LARS2: variants seen among roughly 807,000 people sequenced by gnomAD.
LARS2 encodes leucine--tRNA ligase, mitochondrial.
Under a neutral mutation model 116.6 loss-of-function variants are expected in LARS2, and 81 were observed. The ratio of observed to expected loss-of-function variants is 0.69; its 90% CI spans 0.58 to 0.84. LARS2 has a LOEUF of 0.84. Ranked by LOEUF, LARS2 falls within the 40% of genes least tolerant of loss-of-function variation. The pLI is 0.00. For synonymous variants in LARS2, 396 were observed against 407.2 expected (o/e 0.97, Z 0.33); for missense variants, 968 against 1,114.5 (o/e 0.87, Z 1.87).
intron 20 of LARS2, among the ~76,000 whole-genome samples, chr3:45,538,997 C>G (rs1700751679): frequency 6.6e-6 from 1 of 152,148 alleles, no homozygotes; most frequent in African/African-American, 2.4e-5. Flanking sequence ...GGCAAACAGG[C>G]ACTTTGAGTA....
chr3:45,516,220 G>C lies in LARS2; in HGVS notation c.1988G>C (p.Arg663Pro). The change falls in exon 17 of 22, where the codon CGG becomes CCG. Residue 663 changes from arginine to proline, a missense_variant. Arg to Pro is a moderately radical substitution (Grantham distance 103). Transcript: ENST00000645846. Reference protein sequence around the residue: ...VVEQYGIDTIRLYILFAAPPE... With the variant: ...VVEQYGIDTIPLYILFAAPPE... ...GAGCAGTATGGGATCGACACGATTC[G>C]GCTCTACATCCTTTTTGCTGCCCCT... 6.2e-7 allele frequency: 1 copy of C among 1,614,152 alleles called. No individual in the cohort carries two copies. Among genetic ancestry groups the C allele is most frequent in the Non-Finnish European group, 8.5e-7 (1 of 1,180,012 alleles).
At chr3:45,493,300 C>G (rs112117633) in intron 13 of LARS2, among the ~76,000 whole-genome samples, 2,697 of 152,250 alleles carry the variant, frequency 0.018, 69 homozygotes, top group African/African-American at 0.058. Context: ...GGGGTTTCAC[C>G]GTGTTAGCCA....
In LARS2 at chr3:45,541,886, T is replaced by C. The variant is rs1299707340; in HGVS notation, c.2462T>C (p.Leu821Pro). 1 of 1,614,274 alleles carries C rather than the reference T, an allele frequency of 6.2e-7. No homozygotes were observed. Among genetic ancestry groups the C allele is most frequent in the Non-Finnish European group, 8.5e-7 (1 of 1,180,044 alleles). The change falls in exon 21 of 22, where the codon CTG (leucine) becomes CCG (proline). Residue 821 changes from leucine (L) to proline (P), a missense_variant. Coordinates refer to ENST00000645846, the MANE Select transcript of LARS2 (RefSeq NM_015340.4). ...CAHYTWDASV[L>P]LQAWPAVDPE... Reference sequence around the variant, plus strand: ...CACTACACTTGGGATGCCAGTGTGCTGCTCCAGGCATGGCCTGCTGTGGAC... The same window carrying C: ...CACTACACTTGGGATGCCAGTGTGCCGCTCCAGGCATGGCCTGCTGTGGAC...
chr3:45,527,029 G>C (rs1700540345), intron 20 of LARS2, among the ~76,000 whole-genome samples: 2 of 152,162 alleles, frequency 1.3e-5, no homozygotes, highest in African/African-American at 2.4e-5. Flanking sequence ...TCAGATGCAT[G>C]CACTGTTTCT....
intron 5 of LARS2, 32 bp from the exon 6 acceptor site, chr3:45,419,637 A>G (rs1297580069): frequency 3.2e-6 from 5 of 1,585,490 alleles, no homozygotes; most frequent in African/African-American, 2.7e-5. Flanking sequence ...TCCCCTCTCT[A>G]AAAACCAAAC....
At chr3:45,547,296 G>A (rs1036814261) in intron 21 of LARS2, 55 bp from the exon 22 acceptor site, 13 of 1,501,596 alleles carry the variant, frequency 8.7e-6, no homozygotes, top group Middle Eastern at 1.8e-4. Flanking sequence ...GTATTGGGCC[G>A]CCTGCCACTC....
intron 8 of LARS2, among the ~76,000 whole-genome samples, chr3:45,463,385 G>C (rs1468052500): frequency 6.6e-6 from 1 of 152,136 alleles, no homozygotes; most frequent in African/African-American, 2.4e-5. Flanking sequence ...ATACCAAATT[G>C]GTGGTTATGT....
chr3:45,419,304 A>G (rs1698479295), intron 5 of LARS2, among the ~76,000 whole-genome samples: 2 of 152,204 alleles, frequency 1.3e-5, no homozygotes, highest in African/African-American at 4.8e-5. Flanking sequence ...TTTTAAGCTT[A>G]TAAATGCTTG....
At chr3:45,529,550 CAA>C (rs796789532) in intron 20 of LARS2, among the ~76,000 whole-genome samples, 34 of 97,024 alleles carry the variant, frequency 3.5e-4, no homozygotes, top group Admixed American at 6.6e-4. Context: ...ACTCCATCTC[CAA>C]AAAAAAAAAA....
At position 45,484,618 on chromosome 3, in the gene LARS2, A is replaced by ATATATATATATATATAT. The variant is rs1223081345; in HGVS notation, c.1019-1074_1019-1073insTATATATATATATATAT. On this transcript the variant is annotated intron_variant, in intron 10 of 21. Coordinates refer to ENST00000645846, the MANE Select transcript of LARS2 (RefSeq NM_015340.4). ...CCTGTCTCTACAAAAAAAAAAAAAA[A>ATATATATATATATATAT]AAAAAAAAAAAAATATATATATATA... is the stretch of plus-strand genomic sequence containing the variant. Among the ~76,000 whole-genome samples, 62 of 13,888 alleles carry ATATATATATATATATAT rather than the reference A, an allele frequency of 4.5e-3. 5 individuals carry two copies. Among genetic ancestry groups the ATATATATATATATATAT allele is most frequent in the South Asian group, 0.035 (5 of 142 alleles). The allele number at this position is 13,888 out of a possible 152,430, so 9.1% of individuals were successfully genotyped here. A position where few individuals can be genotyped will look rare whatever the true frequency, so the allele number is the denominator to read the frequency against.
At chr3:45,449,983 A>AAAT (rs1699097975) in intron 7 of LARS2, among the ~76,000 whole-genome samples, 1 of 152,252 alleles carries the variant, frequency 6.6e-6, no homozygotes, top group African/African-American at 2.4e-5. Context: ...TTTCAGCTGC[A>AAAT]AATATGAACA....
chr3:45,526,132 T>C (rs1295340260), intron 20 of LARS2, among the ~76,000 whole-genome samples: 1 of 152,216 alleles, frequency 6.6e-6, no homozygotes, highest in Non-Finnish European at 1.5e-5. Context: ...GAGACAGTTT[T>C]TAAGTTTCTC....
intron 4 of LARS2, among the ~76,000 whole-genome samples, 191 bp from the exon 5 acceptor site, chr3:45,417,291 A>G (rs1167787252): frequency 2.0e-5 from 3 of 152,210 alleles, no homozygotes; most frequent in Non-Finnish European, 4.4e-5. Flanking sequence ...GTGCTTTGGC[A>G]TATAACCTTC....
chr3:45,393,706 C>T (rs1456577067), intron 2 of LARS2, among the ~76,000 whole-genome samples: 1 of 152,164 alleles, frequency 6.6e-6, no homozygotes, highest in Non-Finnish European at 1.5e-5. Flanking sequence ...CGCCTGTAAT[C>T]CCAGCACTTT....
Position 45,485,788 on chromosome 3 carries a change from CA to C in LARS2, c.1120del (p.Ile374Ter). 1.9e-6 allele frequency: 3 copies of C among 1,595,054 alleles called. No homozygotes were observed. The highest frequency in any genetic ancestry group is 2.6e-6 in the Non-Finnish European group (3 of 1,166,482). On this transcript the variant is annotated frameshift_variant, in exon 11 of 22. Transcript: ENST00000645846. LOFTEE classifies it high-confidence loss of function. ...AKADLEGSLD[S>X]KIGIPSTSSE... ...GCTGACTTGGAAGGCTCTCTGGATT[CA>C]AAAATAGGTAAGCAGCTATTAAAAT...
At chr3:45,472,183 G>A (rs116674194) in intron 8 of LARS2, among the ~76,000 whole-genome samples, 1 of 152,208 alleles carries the variant, frequency 6.6e-6, no homozygotes, top group East Asian at 1.9e-4. Flanking sequence ...AAAATGGTCT[G>A]GTTAAGCCAT....
At chr3:45,488,599 C>T (rs551519317) in intron 11 of LARS2, 98 bp from the exon 12 acceptor site, 495 of 719,416 alleles carry the variant, frequency 6.9e-4, no homozygotes, top group Admixed American at 1.0e-3. Flanking sequence ...AAGAGATAGT[C>T]TCCTTTAAGA....
intron 21 of LARS2, among the ~76,000 whole-genome samples, chr3:45,543,844 C>A (rs886148124): frequency 6.6e-6 from 1 of 152,066 alleles, no homozygotes; most frequent in African/African-American, 2.4e-5. Context: ...TGTCCTCAGC[C>A]CGGTTGAGAA....
At chr3:45,444,424 G>A (rs1698979852) in intron 6 of LARS2, among the ~76,000 whole-genome samples, 1 of 149,108 alleles carries the variant, frequency 6.7e-6, no homozygotes, top group Non-Finnish European at 1.5e-5. Context: ...AGCACTTTGG[G>A]AGGCCGAGGT....
Sources: gnomAD v4.1 joint callset for allele counts (sites outside exome capture counted in the v4.1 genomes callset) on GRCh38, gnomAD v4.1.1 for gene constraint, MANE v1.5 for transcripts, NCBI Gene and HGNC (gene_info 2026-07-23, HGNC 2026-07-21) for gene names.